The following FMNL2 variants were observed in gnomAD, a reference collection of about 807,000 sequenced individuals.
FMNL2 encodes the protein formin-like protein 2.
FMNL2 carries 51 observed loss-of-function variants against 130.2 expected under a neutral mutation model. The ratio of observed to expected loss-of-function variants is 0.39; its 90% CI spans 0.31 to 0.49. The LOEUF is 0.49. Among genes scored for constraint, FMNL2 ranks in the 20% least tolerant of loss-of-function variants. The pLI, the probability that FMNL2 is intolerant of heterozygous loss-of-function variation, is 0.85. For missense variants in FMNL2, 977 were observed against 1,316.2 expected (o/e 0.74, Z 3.99); for synonymous variants, 465 against 467.1 (o/e 1.00, Z 0.06).
At chr2:152,479,115 TTTG>T (rs1292309084) in intron 1 of FMNL2, among the ~76,000 whole-genome samples, 46 of 152,102 alleles carry the variant, frequency 3.0e-4, no homozygotes, top group African/African-American at 1.1e-3. Flanking sequence ...ACAGTTTTTT[TTTG>T]TTGTTGTTGG....
intron 6 of FMNL2, among the ~76,000 whole-genome samples, chr2:152,574,272 C>T (rs74597746): frequency 0.027 from 4,159 of 152,044 alleles, 377 homozygotes; most frequent in Admixed American, 0.17. Context: ...TCCATCTCTA[C>T]TAAAAATACA....
intron 1 of FMNL2, among the ~76,000 whole-genome samples, chr2:152,513,860 A>G (rs1420899586): frequency 6.6e-6 from 1 of 152,224 alleles, no homozygotes; most frequent in Non-Finnish European, 1.5e-5. Flanking sequence ...GTGACAATGA[A>G]AAATGACTGA....
intron 1 of FMNL2, among the ~76,000 whole-genome samples, chr2:152,484,504 G>A (rs957160240): frequency 1.3e-5 from 2 of 151,928 alleles, no homozygotes; most frequent in Non-Finnish European, 2.9e-5. Flanking sequence ...GGAAGTGGTG[G>A]TGCCTACCCA....
intron 1 of FMNL2, among the ~76,000 whole-genome samples, chr2:152,388,982 A>G (rs1684945156): frequency 1.3e-5 from 2 of 152,226 alleles, no homozygotes; most frequent in Admixed American, 1.3e-4. Flanking sequence ...GGATGAGGCA[A>G]TAAATACCAG....
chr2:152,455,208 A>G (rs1246553223), intron 1 of FMNL2, among the ~76,000 whole-genome samples: 1 of 152,188 alleles, frequency 6.6e-6, no homozygotes, highest in African/African-American at 2.4e-5. Flanking sequence ...ACAGAAAAGA[A>G]AAAAATGAAG....
intron 2 of FMNL2, 106 bp from the exon 3 acceptor site, chr2:152,542,633 T>A: frequency 1.5e-5 from 16 of 1,081,600 alleles, no homozygotes; most frequent in Non-Finnish European, 2.3e-5. Flanking sequence ...GGGCCACATT[T>A]ATACTGTGGA....
intron 15 of FMNL2, among the ~76,000 whole-genome samples, chr2:152,623,489 T>C (rs1049477714): frequency 6.6e-6 from 1 of 152,022 alleles, no homozygotes; most frequent in Non-Finnish European, 1.5e-5. Context: ...TGCATGCTTT[T>C]GTGTGGATTT....
At chr2:152,583,884 A>G (rs1696921637) in intron 9 of FMNL2, among the ~76,000 whole-genome samples, 1 of 152,210 alleles carries the variant, frequency 6.6e-6, no homozygotes, top group South Asian at 2.1e-4. Flanking sequence ...TAAAAACCAT[A>G]TAGACAGACC....
chr2:152,605,514 A>G (rs1580078169), intron 9 of FMNL2, among the ~76,000 whole-genome samples: 1 of 151,950 alleles, frequency 6.6e-6, no homozygotes, highest in Non-Finnish European at 1.5e-5. Context: ...CAGTACAGAC[A>G]TGGTTTCATT....
intron 1 of FMNL2, among the ~76,000 whole-genome samples, chr2:152,473,585 A>G (rs1689970041): frequency 6.6e-6 from 1 of 152,260 alleles, no homozygotes; most frequent in African/African-American, 2.4e-5. Flanking sequence ...TGAGAAAATC[A>G]TGGGGCTGAT....
At chr2:152,601,032 G>A (rs1698019287) in intron 9 of FMNL2, among the ~76,000 whole-genome samples, 1 of 152,080 alleles carries the variant, frequency 6.6e-6, no homozygotes, top group Admixed American at 6.5e-5. Context: ...CAAGAATACT[G>A]AGGGAGAGAA....
intron 10 of FMNL2, 106 bp downstream of exon 10, chr2:152,607,519 C>T (rs1240074668): frequency 1.7e-5 from 14 of 823,594 alleles, no homozygotes; most frequent in Non-Finnish European, 2.5e-5. Flanking sequence ...ATTTATATTA[C>T]AAAGGACAGG....
In FMNL2 at chr2:152,648,004, A is replaced by C; in HGVS notation, c.*99A>C. 9.9e-7 allele frequency: 1 copy of C among 1,012,842 alleles called. No individual in the cohort carries two copies. Among genetic ancestry groups the C allele is most frequent in the Non-Finnish European group, 1.4e-6 (1 of 689,926 alleles). 62.7% of individuals were successfully genotyped at this position (1,012,842 alleles called of 1,614,324 possible). ...TTAACTGCAGCCTTGAACACACACA[A>C]AAATATTCTTAAGGGCTCAGATTTA... On this transcript the variant is annotated 3_prime_UTR_variant, in exon 26 of 26. Transcript: ENST00000288670.
intron 1 of FMNL2, among the ~76,000 whole-genome samples, chr2:152,375,864 T>G (rs1255258649): frequency 1.7e-5 from 2 of 115,988 alleles, no homozygotes; most frequent in East Asian, 9.5e-4. Flanking sequence ...TCTCTCTCTC[T>G]CTCTCTCTCT....
At position 152,619,533 on chromosome 2, in the gene FMNL2, C is replaced by G; in HGVS notation, c.1652C>G (p.Pro551Arg). 4 of 1,543,914 alleles carry G rather than the reference C, an allele frequency of 2.6e-6. No individual in the cohort carries two copies. The highest frequency in any genetic ancestry group is 3.5e-6 in the Non-Finnish European group (4 of 1,145,796). ...ETVQNGPVTP[P>R]MPPPPPPPPP... ...GTGCAAAATGGTCCAGTAACACCAC[C>G]TATGCCACCGCCGCCGCCGCCCCCT... The change falls in exon 15 of 26, where the codon CCT becomes CGT. Residue 551 changes from proline to arginine, a missense_variant. By Grantham distance (103) the Pro-to-Arg change is moderately radical. Around this residue, in one of 4 missense-constraint regions of FMNL2, gnomAD observed 689 missense variants for 995.9 expected, o/e 0.69. Transcript: ENST00000288670.
intron 1 of FMNL2, among the ~76,000 whole-genome samples, chr2:152,375,175 A>T (rs1684086035): frequency 6.6e-6 from 1 of 152,222 alleles, no homozygotes; most frequent in Non-Finnish European, 1.5e-5. Context: ...CTACCTTTTC[A>T]TGGAGGAAGA....
chr2:152,335,736 C>A lies in FMNL2; in HGVS notation c.117+16C>A. On this transcript the variant is annotated intron_variant, in intron 1 of 25. Transcript: ENST00000288670. Reference sequence around the variant, plus strand: ...CATCGTGCTGGTAAGTGCGCGGCGGCGGTCGGGCGCGGGGACCCGGGGCCC... The same window carrying A: ...CATCGTGCTGGTAAGTGCGCGGCGGAGGTCGGGCGCGGGGACCCGGGGCCC... The A allele has an allele frequency of 6.5e-7, 1 of 1,548,910 alleles. No individual in the cohort carries two copies. Among genetic ancestry groups the A allele is most frequent in the East Asian group, 2.6e-5 (1 of 38,066 alleles).
At chr2:152,519,882 A>G (rs911972445) in intron 1 of FMNL2, among the ~76,000 whole-genome samples, 1 of 152,184 alleles carries the variant, frequency 6.6e-6, no homozygotes, top group African/African-American at 2.4e-5. Context: ...GAACTCATTT[A>G]ATTTATAATC....
chr2:152,495,027 A>C lies in FMNL2; in HGVS notation c.118-26916A>C, dbSNP rs375257834. 3.8e-4 allele frequency among the ~76,000 whole-genome samples: 58 copies of C among 152,288 alleles called. 1 individual carries two copies. The highest frequency in any genetic ancestry group is 1.4e-3 in the African/African-American group (58 of 41,566). The stretch of plus-strand genomic sequence containing the variant: ...GCTCAGTTTAATTAACAGAAGGAAA[A>C]ACTTTGCGTTGGGGAATACACATAA... On this transcript the variant is annotated intron_variant, in intron 1 of 25. Transcript: ENST00000288670.
Sources: gnomAD v4.1 joint callset for allele counts (sites outside exome capture counted in the v4.1 genomes callset) on GRCh38, gnomAD v4.1.1 for gene constraint, gnomAD v4.1.1 regional missense constraint, MANE v1.5 for transcripts, NCBI Gene and HGNC (gene_info 2026-07-23, HGNC 2026-07-21) for gene names.